Variants in PDE3A observed in about 807,000 individuals in gnomAD.
PDE3A encodes the protein cGMP-inhibited 3',5'-cyclic phosphodiesterase 3A.
A neutral mutation model predicts 98.3 loss-of-function variants in PDE3A; 43 were observed. The observed-to-expected ratio is 0.44, with a 90% CI of 0.34 to 0.56. The LOEUF is 0.56. PDE3A is among the 20% of genes least tolerant of loss of function. PDE3A has a pLI of 0.01. For synonymous variants in PDE3A, 663 were observed against 567.9 expected, an observed-to-expected ratio of 1.17 and a Z score of -2.38; for missense variants, 1,427 against 1,440.7, an observed-to-expected ratio of 0.99 and a Z score of 0.15.
intron 1 of PDE3A, among the ~76,000 whole-genome samples, chr12:20,413,071 T>C (rs1052965693): frequency 6.6e-6 from 1 of 152,184 alleles, no homozygotes; most frequent in African/African-American, 2.4e-5. Context: ...ATTCTGTCCT[T>C]TTGGATTTTT....
In PDE3A at chr12:20,564,662, T is replaced by G. The variant is rs548537031; in HGVS notation, c.1011+7952T>G. On this transcript the variant is annotated intron_variant, in intron 2 of 15. Coordinates refer to ENST00000359062, the MANE Select transcript of PDE3A (RefSeq NM_000921.5). ...AAACTGATGGATGACCTTCAGTAAGTGACTCTTTATTACAGGCCCTGGTCT... is the reference window on the plus strand; with the variant it reads ...AAACTGATGGATGACCTTCAGTAAGGGACTCTTTATTACAGGCCCTGGTCT... Among the ~76,000 whole-genome samples the G allele has an allele frequency of 5.9e-5, 9 of 152,236 alleles. No individual in the cohort carries two copies. The South Asian group carries it at 1.9e-3, about 32-fold the overall frequency.
chr12:20,488,106 C>T (rs1945762681), intron 1 of PDE3A, among the ~76,000 whole-genome samples: 1 of 151,874 alleles, frequency 6.6e-6, no homozygotes. Context: ...ACAAAAATAC[C>T]CTTTCCTTGA....
At position 20,369,221 on chromosome 12, in the gene PDE3A, G is replaced by T. The variant is rs1003142706; in HGVS notation, c.-64G>T. The T allele has an allele frequency of 1.0e-5, 13 of 1,257,148 alleles. No homozygotes were observed. The Admixed American group carries it at 1.6e-4, about 16-fold the overall frequency. 77.9% of individuals were successfully genotyped at this position (1,257,148 alleles called of 1,614,324 possible). ...TGTGTGTGTGTGTGTGCGCGCGCGC[G>T]CGTGGGTCGGGGCGGGGGCGTCGGG... On this transcript the variant is annotated 5_prime_UTR_variant, in exon 1 of 16. Transcript: ENST00000359062.
intron 2 of PDE3A, among the ~76,000 whole-genome samples, chr12:20,611,740 CATG>C (rs549994371): frequency 6.6e-6 from 1 of 151,704 alleles, no homozygotes; most frequent in Admixed American, 6.6e-5. Context: ...TGTTAGGTGT[CATG>C]ATATTTTTCT....
At chr12:20,448,490 C>G (rs992813093) in intron 1 of PDE3A, among the ~76,000 whole-genome samples, 2 of 152,092 alleles carry the variant, frequency 1.3e-5, no homozygotes, top group Admixed American at 1.3e-4. Flanking sequence ...TACAAAAATT[C>G]TGTGGTAGGT....
intron 9 of PDE3A, among the ~76,000 whole-genome samples, chr12:20,639,413 A>C (rs188471820): frequency 4.8e-4 from 73 of 152,222 alleles, no homozygotes; most frequent in Non-Finnish European, 4.4e-4. Context: ...CTTTGAACAA[A>C]TGTAGTTTCA....
chr12:20,567,379 C>A (rs1437610257), intron 2 of PDE3A, among the ~76,000 whole-genome samples: 1 of 151,848 alleles, frequency 6.6e-6, no homozygotes, highest in Non-Finnish European at 1.5e-5. Flanking sequence ...TTATGCTATT[C>A]CCCTGCTTTC....
At chr12:20,397,055 T>A (rs576137028) in intron 1 of PDE3A, among the ~76,000 whole-genome samples, 3 of 152,198 alleles carry the variant, frequency 2.0e-5, no homozygotes, top group African/African-American at 7.2e-5. Context: ...GTTTTGGGGA[T>A]TGACTGAGAT....
rs554396242 is a variant in PDE3A at position 20,382,582 on chromosome 12, A to G, written c.960+12338A>G. 2.6e-5 allele frequency among the ~76,000 whole-genome samples: 4 copies of G among 152,076 alleles called. No individual in the cohort carries two copies. The East Asian group carries it at 7.8e-4, about 29-fold the overall frequency. ...CTCATATGGCTGTTTTAAAGGCTAA[A>G]TCAAAATAAATTGCTATACAAATGT... On this transcript the variant is annotated intron_variant, in intron 1 of 15. Coordinates refer to ENST00000359062, the MANE Select transcript of PDE3A (RefSeq NM_000921.5).
At chr12:20,599,161 CCTT>C (rs1258848325) in intron 2 of PDE3A, among the ~76,000 whole-genome samples, 1 of 152,122 alleles carries the variant, frequency 6.6e-6, no homozygotes, top group Non-Finnish European at 1.5e-5. Flanking sequence ...ACCCATTCAT[CCTT>C]CTTATGCAGT....
chr12:20,559,929 G>A (rs1942471438), intron 2 of PDE3A, among the ~76,000 whole-genome samples: 1 of 152,140 alleles, frequency 6.6e-6, no homozygotes, highest in South Asian at 2.1e-4. Context: ...CTTTTGGATG[G>A]CAACTCTTAC....
rs1428948063 is a variant in PDE3A at position 20,629,977 on chromosome 12, G to A, written c.1610G>A (p.Ser537Asn). Residue 537 changes from serine to asparagine, a missense_variant, in exon 6 of 16, where the codon AGC (serine) becomes AAC (asparagine). This residue lies in a region of PDE3A where 1,012 missense variants were observed against 886.5 expected (regional missense o/e 1.14). Coordinates refer to ENST00000359062, the MANE Select transcript of PDE3A (RefSeq NM_000921.5). ...SSPLQGTPAS[S>N]LVSKISAVQF... Reference sequence around the variant, plus strand: ...CCTCTCCAAGGGACTCCTGCCAGCAGCCTGGTCAGCAAAATTTCTGCAGTG... The same window carrying A: ...CCTCTCCAAGGGACTCCTGCCAGCAACCTGGTCAGCAAAATTTCTGCAGTG... 2 of 1,614,026 alleles carry A rather than the reference G, an allele frequency of 1.2e-6. No homozygotes were observed. Among genetic ancestry groups the A allele is most frequent in the Admixed American group, 3.3e-5 (2 of 59,980 alleles).
intron 1 of PDE3A, among the ~76,000 whole-genome samples, chr12:20,543,052 A>T (rs142934728): frequency 1.3e-5 from 2 of 152,148 alleles, no homozygotes; most frequent in East Asian, 3.9e-4. Context: ...TACAATACAG[A>T]TTTATAGTCA....
Position 20,652,436 on chromosome 12 carries a change from T to G in PDE3A, c.2926-1511T>G, listed in dbSNP as rs545949022. On this transcript the variant is annotated intron_variant, in intron 14 of 15. Coordinates refer to ENST00000359062, the MANE Select transcript of PDE3A (RefSeq NM_000921.5). ...CACATCCTCTCCAGCACCTGTTGTT[T>G]CCTGACTTTTTAATGATTGCCATTC... 1.6e-3 allele frequency among the ~76,000 whole-genome samples: 240 copies of G among 152,236 alleles called. 2 individuals carry two copies. The highest frequency in any genetic ancestry group is 0.013 in the East Asian group (67 of 5,170).
At position 20,464,050 on chromosome 12, in the gene PDE3A, A is replaced by G. The variant is rs1271246218; in HGVS notation, c.961-92610A>G. 1.6e-4 allele frequency among the ~76,000 whole-genome samples: 24 copies of G among 152,186 alleles called. 1 individual carries two copies. ...TACCACTTAGTTTAGGTTGTTAATG[A>G]TAATGTTTACTAATGATACTGTTAG... On this transcript the variant is annotated intron_variant, in intron 1 of 15. Transcript: ENST00000359062.
chr12:20,612,436 T>A (rs1041995971), intron 2 of PDE3A, among the ~76,000 whole-genome samples: 1 of 151,400 alleles, frequency 6.6e-6, no homozygotes, highest in Non-Finnish European at 1.5e-5. Flanking sequence ...GTAGAAGTTT[T>A]TATCTTCATT....
intron 1 of PDE3A, among the ~76,000 whole-genome samples, chr12:20,555,422 C>T (rs553417049): frequency 2.0e-5 from 3 of 152,200 alleles, no homozygotes; most frequent in African/African-American, 7.2e-5. Context: ...TAACATCGAT[C>T]GTCTCTCATA....
At chr12:20,514,146 T>C (rs572719682) in intron 1 of PDE3A, among the ~76,000 whole-genome samples, 2 of 152,300 alleles carry the variant, frequency 1.3e-5, no homozygotes, top group East Asian at 3.9e-4. Flanking sequence ...CATTTTATTT[T>C]TGTTTGAAAT....
At chr12:20,598,647 A>C (rs1254605529) in intron 2 of PDE3A, among the ~76,000 whole-genome samples, 1 of 152,216 alleles carries the variant, frequency 6.6e-6, no homozygotes, top group Non-Finnish European at 1.5e-5. Context: ...TTATTAACTC[A>C]CAAGTGAATT....
Sources: allele counts gnomAD v4.1 joint callset (sites outside exome capture counted in the v4.1 genomes callset), GRCh38; gene constraint gnomAD v4.1.1; regional missense constraint gnomAD v4.1.1; transcripts MANE v1.5; gene names NCBI Gene and HGNC (gene_info 2026-07-23, HGNC 2026-07-21).